RFC3: variants seen among roughly 807,000 people sequenced by gnomAD.
RFC3 encodes the protein A1 38 kDa subunit.
Under a neutral mutation model 45.1 loss-of-function variants are expected in RFC3, and 41 were observed. That is an observed-to-expected ratio of 0.91 (90% CI 0.71 to 1.18). The LOEUF (loss-of-function observed/expected upper bound fraction) is 1.18, where lower values mean the gene tolerates loss of function less well. RFC3 is among the 50% of genes most tolerant of loss of function. RFC3 has a pLI of 0.00. For synonymous variants in RFC3, 149 were observed against 144.0 expected (o/e 1.03, Z -0.25); for missense variants, 423 against 428.1 (o/e 0.99, Z 0.10).
At chr13:33,957,029 C>A (rs2083026318) in intron 8 of RFC3, among the ~76,000 whole-genome samples, 1 of 152,120 alleles carries the variant, frequency 6.6e-6, no homozygotes, top group South Asian at 2.1e-4. Context: ...ATCTATCTAT[C>A]CATGATCATC....
chr13:33,833,396 G>C (rs2082121888), intron 7 of RFC3, among the ~76,000 whole-genome samples: 1 of 151,934 alleles, frequency 6.6e-6, no homozygotes, highest in East Asian at 1.9e-4. Context: ...CATTTATGGA[G>C]ATTAGGTACC....
intron 8 of RFC3, among the ~76,000 whole-genome samples, chr13:33,953,659 C>T (rs190613010): frequency 6.0e-4 from 91 of 152,094 alleles, no homozygotes; most frequent in African/African-American, 2.1e-3. Flanking sequence ...GCTAGAATTC[C>T]GAGAATCAAA....
At chr13:33,827,289 CA>C (rs1003829902) in intron 4 of RFC3, among the ~76,000 whole-genome samples, 1 of 151,644 alleles carries the variant, frequency 6.6e-6, no homozygotes, top group African/African-American at 2.4e-5. Flanking sequence ...ACTATATCTC[CA>C]AAAAAAGGCA....
chr13:33,871,309 A>T (rs1487432994), intron 8 of RFC3, among the ~76,000 whole-genome samples: 1 of 152,202 alleles, frequency 6.6e-6, no homozygotes, highest in Admixed American at 6.5e-5. Context: ...GCTAAAGTCA[A>T]GGTGTCAGCA....
At chr13:33,947,565 T>G (rs1160631878) in intron 8 of RFC3, among the ~76,000 whole-genome samples, 3 of 151,950 alleles carry the variant, frequency 2.0e-5, no homozygotes, top group Non-Finnish European at 4.4e-5. Context: ...ATTGGAACAG[T>G]TTAGAAGGCT....
chr13:33,965,787 A>G (rs2083084653), intron 8 of RFC3, among the ~76,000 whole-genome samples: 1 of 152,082 alleles, frequency 6.6e-6, no homozygotes, highest in African/African-American at 2.4e-5. Flanking sequence ...ATTTTGAAAT[A>G]CCCTAGAGTC....
rs188100104 is a variant in RFC3 at position 33,871,211 on chromosome 13, C to T, written c.879+35994C>T. Among the ~76,000 whole-genome samples the T allele has an allele frequency of 2.1e-3, 322 of 152,292 alleles. 4 individuals are homozygous for T. Among genetic ancestry groups the T allele is most frequent in the African/African-American group, 7.5e-3 (311 of 41,564 alleles). On this transcript the variant is annotated intron_variant, in intron 8 of 8. Transcript: ENST00000434425. ...TATTAGTTTTACATAGCTGCCATAA[C>T]AAATAACCATAAATCAAGTGGCTCA...
At chr13:33,892,681 A>G (rs191762174) in intron 8 of RFC3, among the ~76,000 whole-genome samples, 220 of 152,274 alleles carry the variant, frequency 1.4e-3, no homozygotes, top group African/African-American at 5.1e-3. Flanking sequence ...GTCAAACCTC[A>G]GGCAGTTCCA....
chr13:33,883,950 C>T (rs1043977326), intron 8 of RFC3, among the ~76,000 whole-genome samples: 7 of 151,732 alleles, frequency 4.6e-5, no homozygotes, highest in African/African-American at 1.7e-4. Context: ...AAAAAAAAAG[C>T]CACCTCCACC....
intron 8 of RFC3, among the ~76,000 whole-genome samples, chr13:33,873,242 T>C (rs962594902): frequency 3.9e-5 from 6 of 152,154 alleles, no homozygotes; most frequent in Non-Finnish European, 7.4e-5. Context: ...AACCAACAAA[T>C]GTTCGAGCAA....
chr13:33,933,490 T>C (rs558258931), intron 8 of RFC3, among the ~76,000 whole-genome samples: 1 of 152,282 alleles, frequency 6.6e-6, no homozygotes, highest in South Asian at 2.1e-4. Context: ...CTGTGATGTT[T>C]TAAGAAACCC....
At chr13:33,971,093 A>G (rs1247115555), downstream of RFC3, among the ~76,000 whole-genome samples, 2 of 152,226 alleles carry the variant, frequency 1.3e-5, no homozygotes, top group Non-Finnish European at 2.9e-5. Flanking sequence ...ACAAATATCC[A>G]TTATGCAGAA....
At chr13:33,944,816 C>T (rs1339311169) in intron 8 of RFC3, among the ~76,000 whole-genome samples, 2 of 151,976 alleles carry the variant, frequency 1.3e-5, no homozygotes, top group African/African-American at 2.4e-5. Flanking sequence ...AGATATTGCC[C>T]TGGATATTCA....
intron 8 of RFC3, among the ~76,000 whole-genome samples, chr13:33,877,714 T>TATATATA (rs1309362580): frequency 6.7e-6 from 1 of 148,522 alleles, no homozygotes; most frequent in Non-Finnish European, 1.5e-5. Context: ...AAAATAAGTT[T>TATATATA]ATATATAATA....
intron 8 of RFC3, among the ~76,000 whole-genome samples, chr13:33,917,342 G>A (rs144903128): frequency 2.6e-5 from 4 of 152,046 alleles, no homozygotes; most frequent in African/African-American, 4.8e-5. Flanking sequence ...AAGATAATCC[G>A]AGGCATGGAA....
intron 8 of RFC3, among the ~76,000 whole-genome samples, chr13:33,872,128 C>T (rs965727055): frequency 2.0e-5 from 3 of 152,002 alleles, no homozygotes; most frequent in Non-Finnish European, 4.4e-5. Flanking sequence ...GACTTCATGT[C>T]CCTGGCTGTG....
intron 8 of RFC3, among the ~76,000 whole-genome samples, chr13:33,869,411 TA>T (rs918330582): frequency 2.7e-5 from 4 of 146,562 alleles, no homozygotes; most frequent in African/African-American, 7.7e-5. Context: ...TTTTTAGGGG[TA>T]GGGGGCATGA....
the RFC3 span, among the ~76,000 whole-genome samples, chr13:33,973,644 T>C: frequency 6.4e-5 from 9 of 140,568 alleles, no homozygotes; most frequent in Non-Finnish European, 1.3e-4. Flanking sequence ...CCTCTCCCTC[T>C]TCTTCTTCTT....
rs1276429715 is a variant in RFC3 at position 33,832,115 on chromosome 13, C to T, written c.809+761C>T. ...CTAGTTGTTTGACTTATGGCAGCTT[C>T]GATTGAGAAACACAGTTTGCTTTCC... On this transcript the variant is annotated intron_variant, in intron 7 of 8. Transcript: ENST00000380071. Among the ~76,000 whole-genome samples the T allele has an allele frequency of 2.6e-5, 4 of 152,108 alleles. No individual in the cohort carries two copies. The East Asian group carries it at 7.7e-4, about 29-fold the overall frequency.
Sources: allele counts gnomAD v4.1 joint callset (sites outside exome capture counted in the v4.1 genomes callset), GRCh38; gene constraint gnomAD v4.1.1; transcripts MANE v1.5; gene names NCBI Gene and HGNC (gene_info 2026-07-23, HGNC 2026-07-21).